TONSL: variants seen among roughly 807,000 people sequenced by gnomAD.
TONSL encodes the protein tonsoku like, DNA repair protein.
A neutral mutation model predicts 147.1 loss-of-function variants in TONSL; 112 were observed. The ratio of observed to expected loss-of-function variants is 0.76; its 90% CI spans 0.65 to 0.89. TONSL has a LOEUF of 0.89. TONSL is among the 40% of genes least tolerant of loss of function. The probability of loss-of-function intolerance (pLI) is 0.00; values close to 1 mark genes in which losing one functional copy is unlikely to be tolerated. For missense variants in TONSL, 1,883 were observed against 1,864.6 expected, an observed-to-expected ratio of 1.01 and a Z score of -0.18; for synonymous variants, 868 against 801.5, an observed-to-expected ratio of 1.08 and a Z score of -1.40.
chr8:144,432,241 G>A, intron 23 of TONSL, 44 bp downstream of exon 23: 1 of 1,600,136 alleles, frequency 6.2e-7, no homozygotes, highest in Non-Finnish European at 8.5e-7. Flanking sequence ...GGGACCTTTG[G>A]CCTCTGAGGC....
At chr8:144,442,469 C>G (rs1823756684) in intron 5 of TONSL, 57 bp from the exon 6 acceptor site, 1 of 1,503,446 alleles carries the variant, frequency 6.7e-7, no homozygotes, top group Non-Finnish European at 8.9e-7. Context: ...GCTGCTGATG[C>G]CACACGGGCC....
At chr8:144,438,371 A>C (rs914086419) in intron 13 of TONSL, 100 bp downstream of exon 13, 2 of 1,319,934 alleles carry the variant, frequency 1.5e-6, no homozygotes, top group African/African-American at 2.9e-5. Context: ...CCCCATTTTG[A>C]AGATGAGGAA....
intron 3 of TONSL, 152 bp from the exon 4 acceptor site, chr8:144,443,473 C>A (rs1823794908): frequency 2.8e-6 from 2 of 721,156 alleles, no homozygotes; most frequent in Non-Finnish European, 4.5e-6. Context: ...TGCCCCTCCT[C>A]TGCATGCCAA....
intron 22 of TONSL, 28 bp from the exon 23 acceptor site, chr8:144,432,488 C>T (rs368478248): frequency 6.6e-7 from 1 of 1,517,378 alleles, no homozygotes; most frequent in Non-Finnish European, 8.8e-7. Flanking sequence ...TCCGTCAGCC[C>T]CACGTGGCCA....
chr8:144,442,453 A>G (rs764662985), intron 5 of TONSL, 41 bp from the exon 6 acceptor site: 16 of 1,513,620 alleles, frequency 1.1e-5, no homozygotes, highest in African/African-American at 1.4e-5. Flanking sequence ...AGGAGTGTCC[A>G]TGACAGCTGC....
chr8:144,442,821 C>A lies in TONSL; in HGVS notation c.449-15G>T. 6.2e-7 allele frequency: 1 copy of A among 1,605,220 alleles called. No homozygotes were observed. The highest frequency in any genetic ancestry group is 8.5e-7 in the Non-Finnish European group (1 of 1,175,492). ...GGCCAGTGTCCCTGGAAGATACCCC[C>A]CCAAACACTCAGCCACTTCCTCCCC... is the stretch of plus-strand genomic sequence containing the variant. On this transcript the variant is annotated splice_polypyrimidine_tract_variant and intron_variant, in intron 4 of 25. Transcript: ENST00000409379.
chr8:144,429,002 G>C lies in TONSL; in HGVS notation c.*141C>G. The C allele has an allele frequency of 1.1e-6, 1 of 950,734 alleles. No homozygotes were observed. Among genetic ancestry groups the C allele is most frequent in the Non-Finnish European group, 1.5e-6 (1 of 676,672 alleles). The allele number at this position is 950,734 out of a possible 1,614,324, so 58.9% of individuals were successfully genotyped here. On this transcript the variant is annotated 3_prime_UTR_variant, in exon 26 of 26. Transcript: ENST00000409379. Reference sequence around the variant, plus strand: ...GACGGGGTTTCACCATGTTAGCCAGGATGGTCTCGATCTCCTGACCTCGTG... The same window carrying C: ...GACGGGGTTTCACCATGTTAGCCAGCATGGTCTCGATCTCCTGACCTCGTG...
In TONSL at chr8:144,436,327, G is replaced by C. The variant is rs780557538; in HGVS notation, c.2106C>G (p.Pro702=). 2 of 1,502,082 alleles carry C rather than the reference G, an allele frequency of 1.3e-6. No homozygotes were observed. Among genetic ancestry groups the C allele is most frequent in the East Asian group, 2.3e-5 (1 of 43,958 alleles). 93.0% of individuals were successfully genotyped at this position (1,502,082 alleles called of 1,614,324 possible). Residue 702 remains proline, a synonymous_variant, in exon 17 of 26, where the codon CCC becomes CCG. Transcript: ENST00000409379. ...CCTCTGGGAGTCTAGTGCTATTAGA[G>C]GGGGGTTCTGGGCAGGGGCTCAAAG... ...SPPLSPCPEP[P]SNSTRLPEAS...
intron 9 of TONSL, 60 bp from the exon 10 acceptor site, chr8:144,440,536 G>A (rs962642203): frequency 5.1e-5 from 78 of 1,542,792 alleles, no homozygotes; most frequent in Non-Finnish European, 6.5e-5. Context: ...ACGGGCCCCA[G>A]TCAAGCTTCC....
rs1224570197 is a variant in TONSL, at chr8:144,438,510, G to A, written c.1614C>T (p.Ile538=). 16 of 1,612,984 alleles carry A rather than the reference G, an allele frequency of 9.9e-6. No homozygotes were observed. The highest frequency in any genetic ancestry group is 6.7e-5 in the African/African-American group (5 of 74,928). The change falls in exon 13 of 26, where the codon ATC becomes ATT. Residue 538 remains isoleucine, a synonymous_variant. Coordinates refer to ENST00000409379, the MANE Select transcript of TONSL (RefSeq NM_013432.5). ...CCTGGACGCGGCGCAGCTGGCCCTC[G>A]ATGCAGGCTCGGTGCAGCAGGGTCT... The part of the protein sequence containing the change: ...MGETLLHRAC[I]EGQLRRVQDL...
intron 6 of TONSL, 42 bp from the exon 7 acceptor site, chr8:144,442,193 G>A (rs377412762): frequency 1.9e-5 from 31 of 1,595,108 alleles, no homozygotes; most frequent in African/African-American, 5.4e-5. Context: ...GAATCCCCAA[G>A]GCCCGAATCT....
In TONSL at chr8:144,435,936, C is replaced by T. The variant is rs374417537; in HGVS notation, c.2497G>A (p.Gly833Arg). 3.1e-5 allele frequency: 49 copies of T among 1,571,782 alleles called. No individual in the cohort carries two copies. The highest frequency in any genetic ancestry group is 2.4e-4 in the Admixed American group (14 of 57,426). Residue 833 changes from glycine to arginine, a missense_variant, in exon 17 of 26, where the codon GGG becomes AGG. Gly to Arg is a moderately radical substitution (Grantham distance 125). Coordinates refer to ENST00000409379, the MANE Select transcript of TONSL (RefSeq NM_013432.5). ...GGCATGTCCAGCTCCAGCCAGTCCC[C>T]GGCCAGGCACTCCTCCTCCGGGATG... The part of the protein sequence containing the change: ...ALIPEEECLA[G>R]DWLELDMPLT...
chr8:144,440,587 C>A (rs1823674878), intron 9 of TONSL, 111 bp from the exon 10 acceptor site: 1 of 1,521,828 alleles, frequency 6.6e-7, no homozygotes, highest in African/African-American at 1.4e-5. Flanking sequence ...CTCCCAGCTG[C>A]CGAGGGTGGA....
chr8:144,442,109 G>C lies in TONSL; in HGVS notation c.793C>G (p.Leu265Val), dbSNP rs369558450. Residue 265 changes from leucine to valine, a missense_variant, in exon 7 of 26, where the codon CTG becomes GTG. Physicochemically the swap from Leu to Val is conservative, Grantham distance 32. Coordinates refer to ENST00000409379, the MANE Select transcript of TONSL (RefSeq NM_013432.5). ...LGDFLAAKRALKKAYRLGSQK... is the reference protein window; with the variant it reads ...LGDFLAAKRAVKKAYRLGSQK... The stretch of plus-strand genomic sequence containing the variant: ...GAGCCCAGCCTGTAGGCCTTCTTCA[G>C]GGCTCGCTTGGCAGCCAAAAAGTCT... 1.2e-6 allele frequency: 2 copies of C among 1,612,720 alleles called. No individual in the cohort carries two copies. The highest frequency in any genetic ancestry group is 1.7e-6 in the Non-Finnish European group (2 of 1,179,874).
At position 144,430,527 on chromosome 8, in the gene TONSL, G is replaced by A. The variant is rs781839742; in HGVS notation, c.3820C>T (p.Leu1274=). 7 of 1,611,114 alleles carry A rather than the reference G, an allele frequency of 4.3e-6. No individual in the cohort carries two copies. Among genetic ancestry groups the A allele is most frequent in the African/African-American group, 1.3e-5 (1 of 74,822 alleles). ...AVRDLCRCLS[L]CPSLISLDLS... ...TCCAGTGAGATGAGTGAGGGGCACA[G>A]AGAGAGACATCTGAGATAACATGGG... Residue 1274 remains leucine, a synonymous_variant, in exon 25 of 26, where the codon CTG becomes TTG. Transcript: ENST00000409379.
intron 4 of TONSL, 44 bp downstream of exon 4, chr8:144,443,094 G>A (rs752398604): frequency 2.4e-5 from 37 of 1,533,330 alleles, no homozygotes; most frequent in East Asian, 2.0e-4. Context: ...CAGCCTCTTC[G>A]GCCCGAAGTT....
In TONSL at chr8:144,443,568, G is replaced by T. The variant is rs1050676865; in HGVS notation, c.265-247C>A. ...GGGGCAGCTGGGAGTTGGCGGGGGGGTTGCAGTCCTGCCTCCAGCAGCCAG... is the reference window on the plus strand; with the variant it reads ...GGGGCAGCTGGGAGTTGGCGGGGGGTTTGCAGTCCTGCCTCCAGCAGCCAG... On this transcript the variant is annotated intron_variant, in intron 3 of 25. Coordinates refer to ENST00000409379, the MANE Select transcript of TONSL (RefSeq NM_013432.5). 2.0e-5 allele frequency among the ~76,000 whole-genome samples: 3 copies of T among 152,030 alleles called. No homozygotes were observed. The East Asian group carries it at 5.8e-4, about 29-fold the overall frequency.
Position 144,442,288 on chromosome 8 carries a change from TG to T in TONSL, c.702del (p.Met235Ter). ...TCGCTCTCCATGAACCGCTTCCTCA[TG>T]GTGTGCGCACACTCCCGGGCACCCT... Reference protein sequence around the residue: ...CLEGARECAHTMRKRFMESEC... With the variant: ...CLEGARECAHXMRKRFMESEC... On this transcript the variant is annotated frameshift_variant, in exon 6 of 26. Coordinates refer to ENST00000409379, the MANE Select transcript of TONSL (RefSeq NM_013432.5). LOFTEE classifies it high-confidence loss of function. The T allele has an allele frequency of 6.3e-7, 1 of 1,597,918 alleles. No individual in the cohort carries two copies. Among genetic ancestry groups the T allele is most frequent in the South Asian group, 1.1e-5 (1 of 90,540 alleles).
rs754234819 is a variant in TONSL at position 144,442,327 on chromosome 8, T to C, written c.664A>G (p.Met222Val). ...HWRAGQHSQA[M>V]RCLEGARECA... ...TCCCGGGCACCCTCCAAGCAGCGCA[T>C]AGCCTGGGAGTGCTGGCCCGCGCGC... Residue 222 changes from methionine (M) to valine (V), a missense_variant, in exon 6 of 26, where the codon ATG (methionine) becomes GTG (valine). Met to Val is a conservative substitution (Grantham distance 21, BLOSUM62 1). Transcript: ENST00000409379. 7 of 1,598,354 alleles carry C rather than the reference T, an allele frequency of 4.4e-6. No homozygotes were observed. The African/African-American group carries it at 8.0e-5, about 18-fold the overall frequency.
Sources: gnomAD v4.1 joint callset for allele counts (sites outside exome capture counted in the v4.1 genomes callset) on GRCh38, gnomAD v4.1.1 for gene constraint, MANE v1.5 for transcripts, NCBI Gene and HGNC (gene_info 2026-07-23, HGNC 2026-07-21) for gene names.